SLC35A4: variants seen among roughly 807,000 people sequenced by gnomAD.
SLC35A4 encodes the protein probable UDP-sugar transporter protein SLC35A4.
A neutral mutation model predicts 18.8 loss-of-function variants in SLC35A4; 9 were observed. That is an observed-to-expected ratio of 0.48 (90% CI 0.29 to 0.83). The LOEUF is 0.83. Ranked by LOEUF, SLC35A4 falls within the 40% of genes least tolerant of loss-of-function variation. The probability of loss-of-function intolerance (pLI) is 0.09; values close to 1 mark genes in which losing one functional copy is unlikely to be tolerated. For missense variants in SLC35A4, 404 were observed against 415.5 expected, an observed-to-expected ratio of 0.97 and a Z score of 0.24; for synonymous variants, 189 against 191.9, an observed-to-expected ratio of 0.98 and a Z score of 0.13.
Position 140,567,454 on chromosome 5 carries a change from C to G in SLC35A4, c.285C>G (p.Leu95=), listed in dbSNP as rs575371410. The G allele has an allele frequency of 6.2e-7, 1 of 1,614,152 alleles. No homozygotes were observed. Among genetic ancestry groups the G allele is most frequent in the Non-Finnish European group, 8.5e-7 (1 of 1,180,038 alleles). ...CTCCCTTCGCACTATCAGCCCTGCTCTATGGCGCTAACAACAACCTGGTGA... is the reference window on the plus strand; with the variant it reads ...CTCCCTTCGCACTATCAGCCCTGCTGTATGGCGCTAACAACAACCTGGTGA... ...QAAPFALSAL[L]YGANNNLVIY... is the part of the protein sequence containing the mutation. The change falls in exon 3 of 3, where the codon CTC becomes CTG. Residue 95 remains leucine (L), a synonymous_variant. Coordinates refer to ENST00000323146, the MANE Select transcript of SLC35A4 (RefSeq NM_080670.4).
chr5:140,567,409 C>T lies in SLC35A4; in HGVS notation c.240C>T (p.Pro80=), dbSNP rs1199578766. Residue 80 remains proline (P), a synonymous_variant, in exon 3 of 3, where the codon CCC becomes CCT. Coordinates refer to ENST00000323146, the MANE Select transcript of SLC35A4 (RefSeq NM_080670.4). The part of the protein sequence containing the change: ...LVGWQAWPQG[P]PPWRQAAPFA... The stretch of plus-strand genomic sequence containing the variant: ...GCTGGCAAGCATGGCCCCAGGGGCC[C>T]CCACCCTGGCGCCAGGCTGCTCCCT... 1 of 1,614,134 alleles carries T rather than the reference C, an allele frequency of 6.2e-7. No individual in the cohort carries two copies. Among genetic ancestry groups the T allele is most frequent in the South Asian group, 1.1e-5 (1 of 91,088 alleles).
intron 1 of SLC35A4, chr5:140,565,092 G>T (rs1755153158): frequency 2.6e-6 from 1 of 389,128 alleles, no homozygotes; most frequent in Non-Finnish European, 4.5e-6. Flanking sequence ...TCACGAACCC[G>T]TTACTAGCAC....
rs999553150 is a variant in SLC35A4 at position 140,566,953 on chromosome 5, C to T, written c.-217C>T. ...CTGGATTCCTTCTTCCCCTTCCTAG[C>T]TCCATGGGACTCGCCCCAAGACTGT... On this transcript the variant is annotated 5_prime_UTR_variant, in exon 3 of 3. Coordinates refer to ENST00000323146, the MANE Select transcript of SLC35A4 (RefSeq NM_080670.4). The T allele has an allele frequency of 8.2e-6, 6 of 732,832 alleles. No individual in the cohort carries two copies. The highest frequency in any genetic ancestry group is 1.4e-5 in the Non-Finnish European group (6 of 415,972). The allele number at this position is 732,832 out of a possible 1,614,324, so 45.4% of individuals were successfully genotyped here.
chr5:140,567,009 C>A lies in SLC35A4; in HGVS notation c.-161C>A. On this transcript the variant is annotated 5_prime_UTR_variant, in exon 3 of 3. It introduces an in-frame stop codon into an upstream open reading frame of the 5' UTR. Transcript: ENST00000323146. ...CAAGGACCACCAGCCCCTTACTCTT[C>A]AAGCCCTGACTGTGGAGTTGGTAGA... The A allele has an allele frequency of 8.8e-7, 1 of 1,140,748 alleles. No homozygotes were observed. Among genetic ancestry groups the A allele is most frequent in the Non-Finnish European group, 1.3e-6 (1 of 778,336 alleles). 70.7% of individuals were successfully genotyped at this position (1,140,748 alleles called of 1,614,324 possible).
chr5:140,566,279 A>G (rs1018826805), intron 2 of SLC35A4, among the ~76,000 whole-genome samples: 3 of 152,140 alleles, frequency 2.0e-5, no homozygotes, highest in Non-Finnish European at 2.9e-5. Context: ...GGAGCATGCT[A>G]GGAAATGAGG....
chr5:140,565,376 G>T (rs1305880296), intron 1 of SLC35A4: 1 of 157,840 alleles, frequency 6.3e-6, no homozygotes, highest in Non-Finnish European at 1.4e-5. Context: ...GAAGAAAGAG[G>T]TAAAGCCCAT....
At position 140,568,147 on chromosome 5, in the gene SLC35A4, C is replaced by A; in HGVS notation, c.*3C>A. ...GCCTGTACTATGGCAGCCGCTAGTC[C>A]CTGACAACTTCCACCCTGATTCCGG... On this transcript the variant is annotated 3_prime_UTR_variant, in exon 3 of 3. Transcript: ENST00000323146. 4.3e-6 allele frequency: 7 copies of A among 1,613,794 alleles called. No individual in the cohort carries two copies. Among genetic ancestry groups the A allele is most frequent in the Non-Finnish European group, 5.9e-6 (7 of 1,180,034 alleles).
chr5:140,567,779 G>A lies in SLC35A4; in HGVS notation c.610G>A (p.Val204Met). The change falls in exon 3 of 3, where the codon GTG becomes ATG. Residue 204 changes from valine (V) to methionine (M), a missense_variant. Val to Met is a conservative substitution (Grantham distance 21, BLOSUM62 1). Coordinates refer to ENST00000323146, the MANE Select transcript of SLC35A4 (RefSeq NM_080670.4). ...CTGCCTCATCTCAGGCTTGTCGTCA[G>A]TGTACACAGAGCTGCTCATGAAGCG... is the stretch of plus-strand genomic sequence containing the variant. ...LYCLISGLSSVYTELLMKRQR... is the reference protein window; with the variant it reads ...LYCLISGLSSMYTELLMKRQR... 1 of 1,614,104 alleles carries A rather than the reference G, an allele frequency of 6.2e-7. No individual in the cohort carries two copies. The highest frequency in any genetic ancestry group is 1.1e-5 in the South Asian group (1 of 91,086).
rs1037273325 is a variant in SLC35A4 at position 140,564,967 on chromosome 5, C to G, written c.-705+109C>G. ...GAGCGGCTCAGGAGTGAGGATGTCC[C>G]TTGTTTCTTCTGCGGCTCCTGTCAA... On this transcript the variant is annotated intron_variant, in intron 1 of 2. Transcript: ENST00000323146. This position sits in a 1 kb window ranked among gnomAD's most constrained non-coding sequence, Gnocchi z 5.0. The G allele has an allele frequency of 1.0e-5, 4 of 399,302 alleles. No homozygotes were observed. Among genetic ancestry groups the G allele is most frequent in the African/African-American group, 6.2e-5 (3 of 48,614 alleles). The allele number at this position is 399,302 out of a possible 1,614,324, so 24.7% of individuals were successfully genotyped here.
chr5:140,568,401 A>C lies in SLC35A4; in HGVS notation c.*257A>C, dbSNP rs1755244376. 5.2e-6 allele frequency: 3 copies of C among 578,540 alleles called. No homozygotes were observed. The South Asian group carries it at 6.4e-5, about 12-fold the overall frequency. 35.8% of individuals were successfully genotyped at this position (578,540 alleles called of 1,614,324 possible). On this transcript the variant is annotated 3_prime_UTR_variant, in exon 3 of 3. Transcript: ENST00000323146. ...CCCCAACCAAGTTCTTCCAGACTAA[A>C]GAATTAAGGTAACATCAATACCTAG...
chr5:140,567,672 T>C lies in SLC35A4; in HGVS notation c.503T>C (p.Leu168Pro). Residue 168 changes from leucine to proline, a missense_variant, in exon 3 of 3, where the codon CTT becomes CCT. Physicochemically the swap from Leu to Pro is moderately conservative, Grantham distance 98. Transcript: ENST00000323146. ...GGCCTTCAAGTTCCCGGGAACACCC[T>C]TCCCAGTCCCCCTCCAGCAGCTGCT... The part of the protein sequence containing the change: ...AGGLQVPGNT[L>P]PSPPPAAAAS... 1.2e-6 allele frequency: 2 copies of C among 1,614,064 alleles called. No individual in the cohort carries two copies. The highest frequency in any genetic ancestry group is 3.3e-4 in the Middle Eastern group (2 of 6,062).
Position 140,568,175 on chromosome 5 carries a change from C to T in SLC35A4, c.*31C>T. The T allele has an allele frequency of 2.5e-6, 4 of 1,613,464 alleles. No homozygotes were observed. The South Asian group carries it at 4.4e-5, about 18-fold the overall frequency. On this transcript the variant is annotated 3_prime_UTR_variant, in exon 3 of 3. Coordinates refer to ENST00000323146, the MANE Select transcript of SLC35A4 (RefSeq NM_080670.4). Reference sequence around the variant, plus strand: ...GACAACTTCCACCCTGATTCCGGACCCTGTAGATTGGGCGCCACCACCAGA... The same window carrying T: ...GACAACTTCCACCCTGATTCCGGACTCTGTAGATTGGGCGCCACCACCAGA...
Position 140,566,752 on chromosome 5 carries a change from G to GGCCCGACTAGCTCTAGGT in SLC35A4, c.-414_-397dup. ...GACTATTTGCAGTTGCTACGCAAGG[G>GGCCCGACTAGCTCTAGGT]GCCCGACTAGCTCTAGGTGCCATGG... On this transcript the variant is annotated 5_prime_UTR_variant, in exon 3 of 3. Coordinates refer to ENST00000323146, the MANE Select transcript of SLC35A4 (RefSeq NM_080670.4). 2 of 595,472 alleles carry GGCCCGACTAGCTCTAGGT rather than the reference G, an allele frequency of 3.4e-6. No individual in the cohort carries two copies. Among genetic ancestry groups the GGCCCGACTAGCTCTAGGT allele is most frequent in the Non-Finnish European group, 6.0e-6 (2 of 334,736 alleles). The allele number at this position is 595,472 out of a possible 1,614,324, so 36.9% of individuals were successfully genotyped here. A position where few individuals can be genotyped will look rare whatever the true frequency, so the allele number is the denominator to read the frequency against.
chr5:140,568,043 GTGC>G lies in SLC35A4; in HGVS notation c.876_878del (p.Leu293del). 1 of 1,613,942 alleles carries G rather than the reference GTGC, an allele frequency of 6.2e-7. No homozygotes were observed. Among genetic ancestry groups the G allele is most frequent in the Non-Finnish European group, 8.5e-7 (1 of 1,180,008 alleles). On this transcript the variant is annotated inframe_deletion, in exon 3 of 3. Coordinates refer to ENST00000323146, the MANE Select transcript of SLC35A4 (RefSeq NM_080670.4). Reference sequence around the variant, plus strand: ...GTCCTGCTCGCTGGTGGTCAACGCCGTGCTCTCAGCAGTCCTGCTACGGCTGCA... The same window carrying G: ...GTCCTGCTCGCTGGTGGTCAACGCCGTCTCAGCAGTCCTGCTACGGCTGCA...
chr5:140,564,902 C>G lies in SLC35A4; in HGVS notation c.-705+44C>G, dbSNP rs540593887. On this transcript the variant is annotated intron_variant, in intron 1 of 2. Transcript: ENST00000323146. The surrounding 1 kb of genome is among the most constrained non-coding windows in gnomAD (Gnocchi z 5.0). ...GATCTGCAGCCGGGCGTGGTCTTCA[C>G]TCTCCTTGACCTTTTTAGTTCCGGG... is the stretch of plus-strand genomic sequence containing the variant. The G allele has an allele frequency of 2.5e-6, 1 of 403,836 alleles. No homozygotes were observed. 25.0% of individuals were successfully genotyped at this position (403,836 alleles called of 1,614,324 possible).
intron 2 of SLC35A4, among the ~76,000 whole-genome samples, chr5:140,566,325 C>T (rs1755187487): frequency 6.6e-6 from 1 of 152,136 alleles, no homozygotes; most frequent in South Asian, 2.1e-4. Context: ...CATCTCTGAC[C>T]TTGTGTGGCG....
chr5:140,567,038 C>T lies in SLC35A4; in HGVS notation c.-132C>T, dbSNP rs1216214192. ...CCCTGACTGTGGAGTTGGTAGATGCCTCTGATCCTCAGTATTCTCTCTGGC... is the reference window on the plus strand; with the variant it reads ...CCCTGACTGTGGAGTTGGTAGATGCTTCTGATCCTCAGTATTCTCTCTGGC... On this transcript the variant is annotated 5_prime_UTR_variant, in exon 3 of 3. Coordinates refer to ENST00000323146, the MANE Select transcript of SLC35A4 (RefSeq NM_080670.4). 1 of 1,432,226 alleles carries T rather than the reference C, an allele frequency of 7.0e-7. No individual in the cohort carries two copies. Among genetic ancestry groups the T allele is most frequent in the South Asian group, 1.2e-5 (1 of 86,016 alleles). 88.7% of individuals were successfully genotyped at this position (1,432,226 alleles called of 1,614,324 possible).
Position 140,567,045 on chromosome 5 carries a change from C to A in SLC35A4, c.-125C>A. 6.8e-7 allele frequency: 1 copy of A among 1,473,810 alleles called. No individual in the cohort carries two copies. The highest frequency in any genetic ancestry group is 9.4e-7 in the Non-Finnish European group (1 of 1,065,832). 91.3% of individuals were successfully genotyped at this position (1,473,810 alleles called of 1,614,324 possible). A position where few individuals can be genotyped will look rare whatever the true frequency, so the allele number is the denominator to read the frequency against. On this transcript the variant is annotated 5_prime_UTR_variant, in exon 3 of 3. Transcript: ENST00000323146. ...TGTGGAGTTGGTAGATGCCTCTGAT[C>A]CTCAGTATTCTCTCTGGCAATGTTC... is the stretch of plus-strand genomic sequence containing the variant.
Position 140,566,545 on chromosome 5 carries a change from T to G in SLC35A4, c.-605-20T>G, listed in dbSNP as rs915797632. 2 of 412,348 alleles carry G rather than the reference T, an allele frequency of 4.9e-6. No individual in the cohort carries two copies. The highest frequency in any genetic ancestry group is 4.1e-5 in the African/African-American group (2 of 48,824). 25.5% of individuals were successfully genotyped at this position (412,348 alleles called of 1,614,324 possible). A position where few individuals can be genotyped will look rare whatever the true frequency, so the allele number is the denominator to read the frequency against. On this transcript the variant is annotated intron_variant, in intron 2 of 2. Coordinates refer to ENST00000323146, the MANE Select transcript of SLC35A4 (RefSeq NM_080670.4). ...CAGGAAGGAGCCTAGCTAAGTTTCC[T>G]TCTGCATTTTTCTCTGCAGGATGGC...
Sources: allele counts gnomAD v4.1 joint callset (sites outside exome capture counted in the v4.1 genomes callset), GRCh38; gene constraint gnomAD v4.1.1; non-coding constraint Gnocchi (gnomAD v3.1); transcripts MANE v1.5; gene names NCBI Gene and HGNC (gene_info 2026-07-23, HGNC 2026-07-21).